Variants in RERG observed in about 807,000 individuals in gnomAD.
RERG encodes the protein RAS like estrogen regulated growth inhibitor, also known as ras-related and estrogen-regulated growth inhibitor.
RERG carries 25 observed loss-of-function variants against 23.2 expected under a neutral mutation model. That is an observed-to-expected ratio of 1.08 (90% CI 0.79 to 1.50). RERG has a LOEUF of 1.50. Among genes scored for constraint, RERG ranks in the 40% most tolerant of loss-of-function variants. The pLI is 0.00. For synonymous variants in RERG, 81 were observed against 89.1 expected, an observed-to-expected ratio of 0.91 and a Z score of 0.51; for missense variants, 253 against 250.1, an observed-to-expected ratio of 1.01 and a Z score of -0.08.
chr12:15,191,791 C>T (rs1205471072), intron 2 of RERG, among the ~76,000 whole-genome samples: 1 of 152,158 alleles, frequency 6.6e-6, no homozygotes, highest in Non-Finnish European at 1.5e-5. Context: ...ACCTCTGATG[C>T]CTGCAAGCCT....
chr12:15,178,694 G>A (rs2136127363), intron 2 of RERG, among the ~76,000 whole-genome samples: 1 of 152,262 alleles, frequency 6.6e-6, no homozygotes, highest in South Asian at 2.1e-4. Context: ...TGACTGCACT[G>A]AAAGGAGAGT....
chr12:15,118,679 G>C (rs921931779), intron 3 of RERG, among the ~76,000 whole-genome samples: 1 of 144,476 alleles, frequency 6.9e-6, no homozygotes, highest in Non-Finnish European at 1.5e-5. Context: ...GTTCTAGTGG[G>C]ATCTGGTTGT....
chr12:15,175,674 G>GT (rs1392846913), intron 2 of RERG, among the ~76,000 whole-genome samples: 3 of 152,146 alleles, frequency 2.0e-5, no homozygotes, highest in South Asian at 2.1e-4. Context: ...ACCACTAATT[G>GT]TTTTTGAAAA....
chr12:15,186,967 T>G (rs924878437), intron 2 of RERG, among the ~76,000 whole-genome samples: 10 of 152,124 alleles, frequency 6.6e-5, no homozygotes, highest in Non-Finnish European at 5.9e-5. Context: ...TTTCCTCTTT[T>G]TCTTCTTATT....
At chr12:15,133,146 G>GATATATATATAT (rs376565973) in intron 2 of RERG, among the ~76,000 whole-genome samples, 1,406 of 124,994 alleles carry the variant, frequency 0.011, 36 homozygotes, top group African/African-American at 0.04. Context: ...ATCCTGTGGA[G>GATATATATATAT]ATATATATAT....
chr12:15,152,231 A>G lies in RERG; in HGVS notation c.62-31112T>C, dbSNP rs1047569971. Reference sequence around the variant, plus strand: ...AACACAGCATTAGCAAAGTCATAGGAGTCAAAATTTCATTGCTAAGGAAAA... The same window carrying G: ...AACACAGCATTAGCAAAGTCATAGGGGTCAAAATTTCATTGCTAAGGAAAA... On this transcript the variant is annotated intron_variant, in intron 2 of 4. Coordinates refer to ENST00000256953, the MANE Select transcript of RERG (RefSeq NM_032918.3). 4.6e-5 allele frequency among the ~76,000 whole-genome samples: 7 copies of G among 152,202 alleles called. No homozygotes were observed. In the South Asian group the frequency reaches 6.2e-4, roughly 14 times the overall value.
chr12:15,116,279 C>T (rs1368461217), intron 3 of RERG, among the ~76,000 whole-genome samples: 2 of 152,150 alleles, frequency 1.3e-5, no homozygotes, highest in South Asian at 2.1e-4. Context: ...TCCTTTGTAC[C>T]GACTTCCCTT....
chr12:15,217,500 G>A lies in RERG; in HGVS notation c.-11C>T, dbSNP rs1234161778. 3 of 1,604,422 alleles carry A rather than the reference G, an allele frequency of 1.9e-6. No individual in the cohort carries two copies. In the African/African-American group the frequency reaches 4.0e-5, roughly 21 times the overall value. Reference sequence around the variant, plus strand: ...CGCACTTTTAGCCATGATGGGTGTTGGTAGACAATTTACTGTTGTTAAAAC... The same window carrying A: ...CGCACTTTTAGCCATGATGGGTGTTAGTAGACAATTTACTGTTGTTAAAAC... On this transcript the variant is annotated 5_prime_UTR_variant, in exon 2 of 5. Coordinates refer to ENST00000256953, the MANE Select transcript of RERG (RefSeq NM_032918.3).
intron 2 of RERG, among the ~76,000 whole-genome samples, chr12:15,144,147 G>A (rs757630821): frequency 6.6e-6 from 1 of 152,150 alleles, no homozygotes; most frequent in South Asian, 2.1e-4. Context: ...TTGGAAGAAT[G>A]AAGTTCCATT....
At chr12:15,113,823 A>T (rs1366640558) in intron 3 of RERG, among the ~76,000 whole-genome samples, 4 of 152,076 alleles carry the variant, frequency 2.6e-5, no homozygotes, top group African/African-American at 9.7e-5. Flanking sequence ...CTAGAATTTA[A>T]TGCAATTCAA....
chr12:15,131,458 G>T (rs1424783212), intron 2 of RERG, among the ~76,000 whole-genome samples: 1 of 152,064 alleles, frequency 6.6e-6, no homozygotes, highest in Non-Finnish European at 1.5e-5. Flanking sequence ...AAGTTGCCAA[G>T]GGATTTGGAT....
chr12:15,164,491 T>C (rs1162556462), intron 2 of RERG, among the ~76,000 whole-genome samples: 1 of 152,162 alleles, frequency 6.6e-6, no homozygotes, highest in Admixed American at 6.5e-5. Flanking sequence ...CCGAAAAGGA[T>C]TGATCATCTG....
At chr12:15,184,621 TGTTTGAAGTG>T (rs1864965952) in intron 2 of RERG, among the ~76,000 whole-genome samples, 1 of 152,164 alleles carries the variant, frequency 6.6e-6, no homozygotes, top group South Asian at 2.1e-4. Context: ...GAACACAGTG[TGTTTGAAGTG>T]ATGAATTTAA....
intron 2 of RERG, among the ~76,000 whole-genome samples, chr12:15,145,526 T>C (rs1028937034): frequency 1.3e-5 from 2 of 152,234 alleles, no homozygotes; most frequent in African/African-American, 4.8e-5. Flanking sequence ...GTGTGTCCGA[T>C]GCTAGCTCCC....
intron 2 of RERG, among the ~76,000 whole-genome samples, chr12:15,167,117 G>A (rs1864706681): frequency 1.3e-5 from 2 of 152,138 alleles, no homozygotes; most frequent in South Asian, 4.1e-4. Context: ...TATAGGGCAT[G>A]TATAAAAATT....
intron 2 of RERG, 99 bp downstream of exon 2, chr12:15,217,330 G>A: frequency 1.3e-6 from 1 of 774,352 alleles, no homozygotes; most frequent in Admixed American, 2.1e-5. Flanking sequence ...GAAAATAGGA[G>A]GAATACCAAC....
At chr12:15,162,389 G>A (rs573600496) in intron 2 of RERG, among the ~76,000 whole-genome samples, 90 of 152,284 alleles carry the variant, frequency 5.9e-4, no homozygotes, top group African/African-American at 2.1e-3. Flanking sequence ...ACTGGGGAGA[G>A]CTTGGGCATA....
rs1863828867 is a variant in RERG at position 15,121,346 on chromosome 12, AC to A, written c.62-228del. 2.6e-5 allele frequency among the ~76,000 whole-genome samples: 4 copies of A among 152,310 alleles called. No homozygotes were observed. In the South Asian group the frequency reaches 8.3e-4, roughly 32 times the overall value. The stretch of plus-strand genomic sequence containing the variant: ...GAATGGGTTTATTGTGCATTAGTCA[AC>A]AATTAGATTTGTTGCTTTAGTCACA... On this transcript the variant is annotated intron_variant, in intron 2 of 4. Coordinates refer to ENST00000256953, the MANE Select transcript of RERG (RefSeq NM_032918.3).
rs1156302513 is a variant in RERG, at chr12:15,148,887, T to TTTTTTTTTTTTTG, written c.62-27769_62-27768insCAAAAAAAAAAAA. ...TTTTTTTTTTTTTTTTTTTTTTTTT[T>TTTTTTTTTTTTTG]AGACAGAGTCTAGCTCTGTCACCCA... On this transcript the variant is annotated intron_variant, in intron 2 of 4. Transcript: ENST00000256953. Among the ~76,000 whole-genome samples, 11 of 69,472 alleles carry TTTTTTTTTTTTTG rather than the reference T, an allele frequency of 1.6e-4. 3 individuals carry two copies. Among genetic ancestry groups the TTTTTTTTTTTTTG allele is most frequent in the Non-Finnish European group, 3.1e-4 (10 of 32,654 alleles). 45.6% of individuals were successfully genotyped at this position (69,472 alleles called of 152,430 possible). A position where few individuals can be genotyped will look rare whatever the true frequency, so the allele number is the denominator to read the frequency against.
Sources: allele counts gnomAD v4.1 joint callset (sites outside exome capture counted in the v4.1 genomes callset), GRCh38; gene constraint gnomAD v4.1.1; transcripts MANE v1.5; gene names NCBI Gene and HGNC (gene_info 2026-07-23, HGNC 2026-07-21).